Variants in DACH1 observed in about 807,000 individuals in gnomAD.
DACH1 encodes the protein dachshund homolog 1.
In DACH1, 12 loss-of-function variants were observed where a neutral mutation model predicts 54.2. That is an observed-to-expected ratio of 0.22 (90% confidence interval 0.14 to 0.36). The LOEUF (loss-of-function observed/expected upper bound fraction) is 0.36, where lower values mean the gene tolerates loss of function less well. DACH1 is among the 10% of genes least tolerant of loss of function. DACH1 has a pLI of 1.00. For synonymous variants in DACH1, 386 were observed against 366.2 expected (o/e 1.05, Z -0.62); for missense variants, 805 against 929.8 (o/e 0.87, Z 1.75).
chr13:71,730,399 T>C (rs1332500129), intron 1 of DACH1, among the ~76,000 whole-genome samples: 3 of 152,078 alleles, frequency 2.0e-5, no homozygotes, highest in African/African-American at 7.2e-5. Context: ...AGAGAAGCAA[T>C]AAAAAGTTGT....
chr13:71,611,594 T>C (rs900167686), intron 3 of DACH1, among the ~76,000 whole-genome samples: 6 of 152,342 alleles, frequency 3.9e-5, no homozygotes, highest in Admixed American at 3.9e-4. Context: ...TTTGATTTTA[T>C]GAACCACATG....
intron 1 of DACH1, among the ~76,000 whole-genome samples, chr13:71,717,420 T>C (rs911834249): frequency 1.3e-5 from 2 of 151,904 alleles, no homozygotes; most frequent in Non-Finnish European, 2.9e-5. Context: ...TTTCTTTCAC[T>C]GCAGATAGCA....
chr13:71,567,835 T>C (rs1884983240), intron 4 of DACH1, among the ~76,000 whole-genome samples: 3 of 152,110 alleles, frequency 2.0e-5, no homozygotes, highest in South Asian at 4.1e-4. Context: ...ATTACTTCTA[T>C]TTCAGCAAGT....
intron 1 of DACH1, among the ~76,000 whole-genome samples, chr13:71,693,862 T>C (rs1881665655): frequency 6.6e-6 from 1 of 152,162 alleles, no homozygotes; most frequent in Non-Finnish European, 1.5e-5. Context: ...TAAGGTTAGG[T>C]ACTATCACAC....
intron 1 of DACH1, among the ~76,000 whole-genome samples, chr13:71,839,375 A>G (rs1475734107): frequency 6.6e-6 from 1 of 152,198 alleles, no homozygotes; most frequent in Non-Finnish European, 1.5e-5. Context: ...TGGGAGGCCA[A>G]GGCGGGTGGA....
intron 3 of DACH1, among the ~76,000 whole-genome samples, chr13:71,578,227 T>G (rs902296628): frequency 1.4e-4 from 22 of 152,140 alleles, no homozygotes; most frequent in Non-Finnish European, 2.6e-4. Flanking sequence ...TGAGTGACAC[T>G]GATAGATTGT....
intron 6 of DACH1, among the ~76,000 whole-genome samples, chr13:71,554,863 A>G (rs997131762): frequency 6.6e-6 from 1 of 152,206 alleles, no homozygotes; most frequent in African/African-American, 2.4e-5. Flanking sequence ...ATAAGTAGAG[A>G]GATTGAAATC....
At chr13:71,498,583 C>A (rs866256176) in intron 6 of DACH1, among the ~76,000 whole-genome samples, 2 of 150,772 alleles carry the variant, frequency 1.3e-5, no homozygotes, top group South Asian at 4.2e-4. Flanking sequence ...AAGAGTGATT[C>A]AAATGGCACC....
At chr13:71,479,740 C>T (rs1877872144) in intron 7 of DACH1, among the ~76,000 whole-genome samples, 1 of 152,152 alleles carries the variant, frequency 6.6e-6, no homozygotes, top group Admixed American at 6.5e-5. Context: ...TCACCTTTCT[C>T]CTCAGAGCTC....
intron 10 of DACH1, among the ~76,000 whole-genome samples, chr13:71,462,693 A>G (rs1324722763): frequency 6.6e-6 from 1 of 151,912 alleles, no homozygotes; most frequent in Non-Finnish European, 1.5e-5. Context: ...GTATTAATTC[A>G]TTTAATCTTC....
intron 2 of DACH1, among the ~76,000 whole-genome samples, chr13:71,677,291 A>C (rs1880632479): frequency 6.6e-6 from 1 of 152,236 alleles, no homozygotes; most frequent in African/African-American, 2.4e-5. Flanking sequence ...AAATGCAGTG[A>C]CCACAGCAGG....
intron 6 of DACH1, among the ~76,000 whole-genome samples, chr13:71,507,109 G>A (rs943147441): frequency 6.6e-6 from 1 of 151,794 alleles, no homozygotes; most frequent in Non-Finnish European, 1.5e-5. Context: ...TACCATCAGA[G>A]TGAACAGGCA....
At chr13:71,702,596 CAG>C (rs1882198426) in intron 1 of DACH1, among the ~76,000 whole-genome samples, 1 of 151,938 alleles carries the variant, frequency 6.6e-6, no homozygotes, top group South Asian at 2.1e-4. Flanking sequence ...TTTATTGAGA[CAG>C]GGAACAATGC....
At chr13:71,522,398 G>A (rs932702609) in intron 6 of DACH1, among the ~76,000 whole-genome samples, 1 of 151,902 alleles carries the variant, frequency 6.6e-6, no homozygotes, top group African/African-American at 2.4e-5. Context: ...CCACCACGCC[G>A]CACCTCCCTA....
At chr13:71,856,730 C>G (rs527380403) in intron 1 of DACH1, among the ~76,000 whole-genome samples, 12 of 151,816 alleles carry the variant, frequency 7.9e-5, no homozygotes, top group Non-Finnish European at 1.8e-4. Flanking sequence ...TGCACTCTTA[C>G]CGATGACGTA....
chr13:71,769,055 A>C (rs1885748886), intron 1 of DACH1, among the ~76,000 whole-genome samples: 1 of 151,846 alleles, frequency 6.6e-6, no homozygotes, highest in Non-Finnish European at 1.5e-5. Flanking sequence ...ATACATGCCA[A>C]CTTAGTATTC....
At chr13:71,440,907 TA>T in intron 10 of DACH1, among the ~76,000 whole-genome samples, 1 of 152,188 alleles carries the variant, frequency 6.6e-6, no homozygotes, top group South Asian at 2.1e-4. Flanking sequence ...CTACTTCTCA[TA>T]AATATATATT....
intron 1 of DACH1, among the ~76,000 whole-genome samples, chr13:71,827,933 T>C (rs1162521694): frequency 6.6e-6 from 1 of 151,964 alleles, no homozygotes; most frequent in East Asian, 1.9e-4. Flanking sequence ...TAACAAAGAA[T>C]AGTGCTATTA....
At position 71,670,158 on chromosome 13, in the gene DACH1, G is replaced by A. The variant is rs561668597; in HGVS notation, c.964+11637C>T. On this transcript the variant is annotated intron_variant, in intron 2 of 10. Transcript: ENST00000613252. ...TATATCTTCAGCCATATATCAACACGTGAACATGATAAAAAGCTCTCCCAT... is the reference window on the plus strand; with the variant it reads ...TATATCTTCAGCCATATATCAACACATGAACATGATAAAAAGCTCTCCCAT... 9.2e-5 allele frequency among the ~76,000 whole-genome samples: 14 copies of A among 152,154 alleles called. No homozygotes were observed. The East Asian group carries it at 9.7e-4, about 11-fold the overall frequency.
Sources: allele counts gnomAD v4.1 joint callset (sites outside exome capture counted in the v4.1 genomes callset), GRCh38; gene constraint gnomAD v4.1.1; transcripts MANE v1.5; gene names NCBI Gene and HGNC (gene_info 2026-07-23, HGNC 2026-07-21).